The following ALG12 variants were observed in gnomAD, a reference collection of about 807,000 sequenced individuals.
ALG12 encodes ALG12 alpha-1,6-mannosyltransferase.
ALG12 carries 36 observed loss-of-function variants against 46.0 expected under a neutral mutation model. That is an observed-to-expected ratio of 0.78 (90% CI 0.60 to 1.03). The LOEUF (loss-of-function observed/expected upper bound fraction) is 1.03, where lower values mean the gene tolerates loss of function less well. Ranked by LOEUF, ALG12 falls within the 50% of genes least tolerant of loss-of-function variation. The pLI is 0.00. For synonymous variants in ALG12, 326 were observed against 291.6 expected, an observed-to-expected ratio of 1.12 and a Z score of -1.20; for missense variants, 599 against 633.5, an observed-to-expected ratio of 0.95 and a Z score of 0.58.
chr22:49,910,397 C>A (rs1262158745), intron 4 of ALG12, 37 bp downstream of exon 4: 1 of 1,606,900 alleles, frequency 6.2e-7, no homozygotes, highest in South Asian at 1.1e-5. Context: ...CCCTGCCCGG[C>A]ACCATGGGTG....
chr22:49,904,451 C>T lies in ALG12; in HGVS notation c.1048G>A (p.Gly350Arg), dbSNP rs377095724. 1.5e-5 allele frequency: 24 copies of T among 1,613,950 alleles called. No homozygotes were observed. Among genetic ancestry groups the T allele is most frequent in the Non-Finnish European group, 1.9e-5 (23 of 1,180,024 alleles). Reference sequence around the variant, plus strand: ...TAGGCGGCATTCACCACGAGGTGTCCGATCACAAGCAGAGACCCCGCTTTG... The same window carrying T: ...TAGGCGGCATTCACCACGAGGTGTCTGATCACAAGCAGAGACCCCGCTTTG... ...LYKAGSLLVI[G>R]HLVVNAAYSA... is the part of the protein sequence containing the mutation. The change falls in exon 8 of 10, where the codon GGA becomes AGA. Residue 350 changes from glycine (G) to arginine (R), a missense_variant. Physicochemically the swap from Gly to Arg is moderately radical, Grantham distance 125. Coordinates refer to ENST00000330817, the MANE Select transcript of ALG12 (RefSeq NM_024105.4).
the ALG12 span, among the ~76,000 whole-genome samples, chr22:49,877,900 C>T: frequency 6.6e-6 from 1 of 152,172 alleles, no homozygotes; most frequent in Non-Finnish European, 1.5e-5. Context: ...TGCGTGTATC[C>T]ATTCATTCTT....
At chr22:49,886,854 G>A in the ALG12 span, 21 of 1,613,986 alleles carry the variant, frequency 1.3e-5, 1 homozygote, top group Middle Eastern at 4.9e-4. This position sits in a 1 kb window ranked among gnomAD's most constrained non-coding sequence, Gnocchi z 7.7. Flanking sequence ...AGGAGAACCT[G>A]TGGTCACTTG....
At chr22:49,880,739 T>G in the ALG12 span, among the ~76,000 whole-genome samples, 1 of 152,242 alleles carries the variant, frequency 6.6e-6, no homozygotes, top group Non-Finnish European at 1.5e-5. Context: ...CCATATCAAT[T>G]TTAGACTTCT....
intron 5 of ALG12, 65 bp downstream of exon 5, chr22:49,909,829 C>G: frequency 6.2e-7 from 1 of 1,603,460 alleles, no homozygotes; most frequent in East Asian, 2.2e-5. Context: ...CCAAATTTCT[C>G]TTGACCTTTG....
the ALG12 span, among the ~76,000 whole-genome samples, chr22:49,876,639 C>T: frequency 4.0e-5 from 6 of 151,888 alleles, no homozygotes; most frequent in African/African-American, 1.2e-4. Flanking sequence ...GTTTTTAGCC[C>T]TTTTCCTGTT....
chr22:49,891,611 T>C, the ALG12 span, among the ~76,000 whole-genome samples: 1 of 152,342 alleles, frequency 6.6e-6, no homozygotes, highest in African/African-American at 2.4e-5. Context: ...ATTTTCACCA[T>C]TCTTCCACCC....
At chr22:49,879,809 G>C in the ALG12 span, among the ~76,000 whole-genome samples, 1 of 6,936 alleles carries the variant, frequency 1.4e-4, no homozygotes, top group African/African-American at 2.0e-3. Context: ...GTGTCTGGGC[G>C]TGTTTCTATT....
At chr22:49,909,006 AT>A (rs1456871476) in intron 6 of ALG12, among the ~76,000 whole-genome samples, 1 of 151,158 alleles carries the variant, frequency 6.6e-6, no homozygotes, top group African/African-American at 2.4e-5. Flanking sequence ...GGCTGGGGTA[AT>A]CTGGGGCAGG....
chr22:49,904,098 G>C lies in ALG12; in HGVS notation c.1239-32C>G, dbSNP rs781596489. On this transcript the variant is annotated intron_variant, in intron 9 of 9. Transcript: ENST00000330817. ...GATGAGAGCTGGTGGTCCTGCCCAG[G>C]GCCCCCACATCGCCCTGTCCCCCGC... The C allele has an allele frequency of 2.5e-6, 4 of 1,613,976 alleles. No homozygotes were observed. In the Admixed American group the frequency reaches 6.7e-5, roughly 27 times the overall value.
intron 5 of ALG12, among the ~76,000 whole-genome samples, chr22:49,909,677 G>A (rs780948564): frequency 2.6e-5 from 4 of 152,266 alleles, no homozygotes; most frequent in Non-Finnish European, 4.4e-5. Flanking sequence ...CCAGCCCAAG[G>A]ACAAGGGACA....
chr22:49,897,118 T>A (rs2060486476), downstream of ALG12, among the ~76,000 whole-genome samples: 1 of 123,472 alleles, frequency 8.1e-6, no homozygotes, highest in Non-Finnish European at 1.5e-5. Flanking sequence ...TCAGACTGGC[T>A]TCATTCACTA....
At chr22:49,867,112 G>A in the ALG12 span, among the ~76,000 whole-genome samples, 5 of 152,216 alleles carry the variant, frequency 3.3e-5, no homozygotes, top group East Asian at 9.6e-4. Context: ...TTTTATTGTC[G>A]TTCAGTTGAA....
At chr22:49,898,997 A>C (rs2060493876), downstream of ALG12, among the ~76,000 whole-genome samples, 1 of 152,190 alleles carries the variant, frequency 6.6e-6, no homozygotes, top group Non-Finnish European at 1.5e-5. Context: ...CCATGTTAAA[A>C]AATTAACCCC....
the ALG12 span, among the ~76,000 whole-genome samples, chr22:49,874,717 G>C: frequency 2.9e-5 from 3 of 102,606 alleles, no homozygotes; most frequent in South Asian, 1.1e-3. Context: ...GTCTCACTCT[G>C]TCGCCAGGCT....
Position 49,904,381 on chromosome 22 carries a change from C to T in ALG12, c.1118G>A (p.Gly373Asp). ...LYVSHFNYPGGVAMQRLHQLV... is the reference protein window; with the variant it reads ...LYVSHFNYPGDVAMQRLHQLV... The stretch of plus-strand genomic sequence containing the variant: ...CTGGTGCAGCCTCTGCATTGCGACG[C>T]CACCTGGGTAGTTGAAATGGGACAC... The change falls in exon 8 of 10, where the codon GGC (glycine) becomes GAC (aspartate). Residue 373 changes from glycine (G) to aspartate (D), a missense_variant. Coordinates refer to ENST00000330817, the MANE Select transcript of ALG12 (RefSeq NM_024105.4). The T allele has an allele frequency of 6.2e-7, 1 of 1,614,196 alleles. No homozygotes were observed. Among genetic ancestry groups the T allele is most frequent in the Middle Eastern group, 1.6e-4 (1 of 6,062 alleles).
chr22:49,910,787 C>T (rs1451008669), intron 3 of ALG12, among the ~76,000 whole-genome samples, 180 bp from the exon 4 acceptor site: 1 of 152,224 alleles, frequency 6.6e-6, no homozygotes, highest in Non-Finnish European at 1.5e-5. Flanking sequence ...TGAAAACAGA[C>T]GACTGGACCC....
the ALG12 span, among the ~76,000 whole-genome samples, chr22:49,870,023 A>C: frequency 6.6e-6 from 1 of 152,018 alleles, no homozygotes; most frequent in African/African-American, 2.4e-5. Flanking sequence ...TCTCATCTTT[A>C]TGTCCCTGTG....
chr22:49,889,400 ACT>A, the ALG12 span: 1,820 of 167,134 alleles, frequency 0.011, 26 homozygotes, highest in South Asian at 0.027. Flanking sequence ...GAAAATACTC[ACT>A]GTTTGGCCCT....
Sources: gnomAD v4.1 joint callset for allele counts (sites outside exome capture counted in the v4.1 genomes callset) on GRCh38, gnomAD v4.1.1 for gene constraint, Gnocchi (gnomAD v3.1) non-coding constraint, MANE v1.5 for transcripts, NCBI Gene and HGNC (gene_info 2026-07-23, HGNC 2026-07-21) for gene names.